The following CHD9NB variants were observed in gnomAD, a reference collection of about 807,000 sequenced individuals.
CHD9NB encodes the protein CHD9 neighbor.
chr16:53,045,102 TTTTG>T, the CHD9NB span, among the ~76,000 whole-genome samples: 8 of 151,764 alleles, frequency 5.3e-5, no homozygotes, highest in African/African-American at 1.9e-4. Context: ...CCCAGCTAAG[TTTTG>T]TTTGTTTTGT....
At chr16:53,036,999 G>A in the CHD9NB span, among the ~76,000 whole-genome samples, 7 of 151,944 alleles carry the variant, frequency 4.6e-5, no homozygotes, top group African/African-American at 7.3e-5. Context: ...GCAGTGGCAC[G>A]ATCTCAGCTC....
chr16:53,044,150 GCA>G, the CHD9NB span: 1 of 398,718 alleles, frequency 2.5e-6, no homozygotes, highest in Non-Finnish European at 4.4e-6. Context: ...TGCTGGAGTG[GCA>G]CCCCATCTCA....
At chr16:53,039,128 A>G in the CHD9NB span, among the ~76,000 whole-genome samples, 1 of 152,192 alleles carries the variant, frequency 6.6e-6, no homozygotes, top group Non-Finnish European at 1.5e-5. Context: ...TAATATACAA[A>G]TCTAAGTGGA....
At chr16:53,040,197 G>A in the CHD9NB span, among the ~76,000 whole-genome samples, 1 of 152,024 alleles carries the variant, frequency 6.6e-6, no homozygotes, top group Admixed American at 6.5e-5. Flanking sequence ...AGCCTCCAAA[G>A]TAGCTGGGAT....
At chr16:53,037,402 G>C in the CHD9NB span, among the ~76,000 whole-genome samples, 1 of 152,192 alleles carries the variant, frequency 6.6e-6, no homozygotes. Context: ...CAGTTAACAA[G>C]GATTTTTTTT....
chr16:53,042,288 TTCTC>T, the CHD9NB span, among the ~76,000 whole-genome samples: 153 of 142,128 alleles, frequency 1.1e-3, no homozygotes, highest in African/African-American at 3.9e-3. Context: ...CCCCTCTCCT[TTCTC>T]TCCCTTCCTC....
chr16:53,043,894 C>G, the CHD9NB span: 1 of 397,844 alleles, frequency 2.5e-6, no homozygotes, highest in Non-Finnish European at 4.4e-6. Flanking sequence ...GGCTTTCTCT[C>G]TCCTCCCAGT....
chr16:53,048,573 T>C, the CHD9NB span, among the ~76,000 whole-genome samples: 1 of 152,216 alleles, frequency 6.6e-6, no homozygotes, highest in African/African-American at 2.4e-5. Context: ...CTCACTCACT[T>C]ACTCATTCAA....
chr16:53,051,106 C>G, the CHD9NB span, among the ~76,000 whole-genome samples: 5 of 152,050 alleles, frequency 3.3e-5, no homozygotes, highest in Admixed American at 2.6e-4. Context: ...CCAGGATGGT[C>G]TTGATCTCCT....
chr16:53,047,477 G>A, the CHD9NB span, among the ~76,000 whole-genome samples: 1 of 152,138 alleles, frequency 6.6e-6, no homozygotes, highest in South Asian at 2.1e-4. Flanking sequence ...TCTGGTGTGG[G>A]CTCCCTTCCT....
At chr16:53,039,740 C>A in the CHD9NB span, among the ~76,000 whole-genome samples, 1 of 145,224 alleles carries the variant, frequency 6.9e-6, no homozygotes, top group Non-Finnish European at 1.5e-5. Flanking sequence ...GATTCCATCT[C>A]AAAAAAAAAA....
the CHD9NB span, among the ~76,000 whole-genome samples, chr16:53,050,622 T>A: frequency 6.6e-6 from 1 of 152,172 alleles, no homozygotes; most frequent in African/African-American, 2.4e-5. Flanking sequence ...GCAGGTACAA[T>A]CCAGGACCAG....
the CHD9NB span, among the ~76,000 whole-genome samples, chr16:53,048,247 CA>C: frequency 6.6e-6 from 1 of 151,752 alleles, no homozygotes. Flanking sequence ...CTACAAAAAA[CA>C]GACAAAAATT....
the CHD9NB span, among the ~76,000 whole-genome samples, chr16:53,045,001 A>C: frequency 1.3e-5 from 2 of 151,736 alleles, no homozygotes; most frequent in African/African-American, 2.4e-5. Flanking sequence ...CAGTGGTGCA[A>C]TTATGGCTCA....
At chr16:53,043,086 G>A in the CHD9NB span, 3 of 152,194 alleles carry the variant, frequency 2.0e-5, no homozygotes, top group African/African-American at 7.2e-5. Flanking sequence ...CAAATGTGTT[G>A]TGTCAACATT....
At chr16:53,041,780 TAAA>T in the CHD9NB span, among the ~76,000 whole-genome samples, 3 of 144,728 alleles carry the variant, frequency 2.1e-5, no homozygotes, top group African/African-American at 7.6e-5. Flanking sequence ...AGAGTTGTCT[TAAA>T]AAAAAAAAAA....
the CHD9NB span, chr16:53,044,065 C>G: frequency 1.8e-5 from 7 of 398,680 alleles, no homozygotes; most frequent in Non-Finnish European, 2.7e-5. Context: ...GCCTGGGTGC[C>G]GGTCTCCAGA....
the CHD9NB span, among the ~76,000 whole-genome samples, chr16:53,036,925 C>G: frequency 6.6e-6 from 1 of 152,064 alleles, no homozygotes; most frequent in Admixed American, 6.6e-5. Context: ...CAGCTGTCCT[C>G]ACGTTGGCTT....
At chr16:53,038,378 C>G in the CHD9NB span, among the ~76,000 whole-genome samples, 2 of 152,142 alleles carry the variant, frequency 1.3e-5, no homozygotes, top group Admixed American at 1.3e-4. Context: ...GACAGAGCCT[C>G]ACTCTGTCAC....
Sources: allele counts gnomAD v4.1 joint callset (sites outside exome capture counted in the v4.1 genomes callset), GRCh38; gene constraint gnomAD v4.1.1; transcripts MANE v1.5; gene names NCBI Gene and HGNC (gene_info 2026-07-23, HGNC 2026-07-21).